Variants in POU2F1 observed in about 807,000 individuals in gnomAD.
The protein encoded by POU2F1 is POU class 2 homeobox 1.
In POU2F1, 16 loss-of-function variants were observed where a neutral mutation model predicts 84.9. The ratio of observed to expected loss-of-function variants is 0.19; its 90% CI spans 0.13 to 0.29. The LOEUF is 0.29. Ranked by LOEUF, POU2F1 falls within the 10% of genes least tolerant of loss-of-function variation. The pLI, the probability that POU2F1 is intolerant of heterozygous loss-of-function variation, is 1.00. For synonymous variants in POU2F1, 368 were observed against 368.3 expected (o/e 1.00, Z 0.01); for missense variants, 738 against 942.6 (o/e 0.78, Z 2.84).
chr1:167,221,827 GGGGGGTGGAC>G (rs999329646), intron 1 of POU2F1, among the ~76,000 whole-genome samples: 3 of 151,914 alleles, frequency 2.0e-5, no homozygotes, highest in African/African-American at 7.2e-5. Context: ...TGCCCCCCCT[GGGGGGTGGAC>G]TGGATTGGAA....
intron 1 of POU2F1, among the ~76,000 whole-genome samples, chr1:167,247,492 G>A (rs1650421710): frequency 6.6e-6 from 1 of 152,078 alleles, no homozygotes; most frequent in Admixed American, 6.6e-5. Context: ...CTCATCCAAA[G>A]CTTCTTTTTG....
chr1:167,409,995 G>T (rs1296080078), intron 13 of POU2F1, among the ~76,000 whole-genome samples: 1 of 152,118 alleles, frequency 6.6e-6, no homozygotes, highest in Non-Finnish European at 1.5e-5. Flanking sequence ...GCGAAAAAGG[G>T]TATATGAATC....
chr1:167,395,213 G>A (rs1196331477), intron 9 of POU2F1, among the ~76,000 whole-genome samples: 1 of 152,166 alleles, frequency 6.6e-6, no homozygotes, highest in African/African-American at 2.4e-5. Context: ...AAGGTTATAG[G>A]CTTATAGAGA....
At chr1:167,339,909 G>A (rs1416638346) in intron 2 of POU2F1, among the ~76,000 whole-genome samples, 1 of 151,968 alleles carries the variant, frequency 6.6e-6, no homozygotes, top group Non-Finnish European at 1.5e-5. Flanking sequence ...GTATTTACTG[G>A]GTGATTTAAA....
At chr1:167,401,382 T>C in intron 12 of POU2F1, 69 bp from the exon 13 acceptor site, 1 of 1,080,600 alleles carries the variant, frequency 9.3e-7, no homozygotes, top group Non-Finnish European at 1.4e-6. Context: ...AAAGAAAGAC[T>C]GTAAAATCAT....
At chr1:167,355,804 T>C (rs1658897495) in intron 2 of POU2F1, among the ~76,000 whole-genome samples, 1 of 152,202 alleles carries the variant, frequency 6.6e-6, no homozygotes, top group African/African-American at 2.4e-5. Context: ...CATGTCTTTG[T>C]TTTTAAATAA....
At chr1:167,334,864 G>A (rs142025253) in intron 2 of POU2F1, among the ~76,000 whole-genome samples, 2 of 152,212 alleles carry the variant, frequency 1.3e-5, no homozygotes, top group African/African-American at 4.8e-5. Context: ...ATGTTTAAGG[G>A]GAAGAACGCT....
intron 1 of POU2F1, among the ~76,000 whole-genome samples, chr1:167,247,176 A>G (rs935519479): frequency 1.3e-5 from 2 of 151,966 alleles, no homozygotes; most frequent in African/African-American, 4.8e-5. Context: ...TCTGGGCTTA[A>G]GTGATGTAAC....
At chr1:167,276,469 A>G (rs759501220) in intron 1 of POU2F1, among the ~76,000 whole-genome samples, 176 of 152,254 alleles carry the variant, frequency 1.2e-3, no homozygotes, top group Admixed American at 3.2e-3. Context: ...TATAGGAAAA[A>G]CATAGTGTTA....
At chr1:167,396,154 C>A in intron 9 of POU2F1, 132 bp from the exon 10 acceptor site, 2 of 1,041,600 alleles carry the variant, frequency 1.9e-6, no homozygotes, top group Non-Finnish European at 2.8e-6. Context: ...ATGTGGGACC[C>A]CGTAAGTGGA....
In POU2F1 at chr1:167,425,471, A is replaced by G. The variant is rs1650899240; in HGVS notation, c.*9661A>G. 1 of 152,280 alleles carries G rather than the reference A, an allele frequency of 6.6e-6. No individual in the cohort carries two copies. The highest frequency in any genetic ancestry group is 2.4e-5 in the African/African-American group (1 of 41,470). 9.4% of individuals were successfully genotyped at this position (152,280 alleles called of 1,614,324 possible). A position where few individuals can be genotyped will look rare whatever the true frequency, so the allele number is the denominator to read the frequency against. ...ACCTTCCAGGGTCCAGCACAGGTGCATGCCCCTAGCTTTGGCCCTCACAAA... is the reference window on the plus strand; with the variant it reads ...ACCTTCCAGGGTCCAGCACAGGTGCGTGCCCCTAGCTTTGGCCCTCACAAA... On this transcript the variant is annotated 3_prime_UTR_variant, in exon 16 of 16. Coordinates refer to ENST00000367866, the MANE Select transcript of POU2F1 (RefSeq NM_002697.4).
chr1:167,273,982 T>C (rs1229630701), intron 1 of POU2F1, among the ~76,000 whole-genome samples: 1 of 152,230 alleles, frequency 6.6e-6, no homozygotes, highest in Non-Finnish European at 1.5e-5. Flanking sequence ...TTAATCTCTA[T>C]GTGAAAAAAC....
intron 2 of POU2F1, among the ~76,000 whole-genome samples, chr1:167,360,046 T>C (rs926373968): frequency 6.6e-6 from 1 of 152,062 alleles, no homozygotes; most frequent in African/African-American, 2.4e-5. Context: ...TTGATTTAAG[T>C]TCCTTATAGA....
chr1:167,246,841 A>G (rs1353938870), intron 1 of POU2F1, among the ~76,000 whole-genome samples: 1 of 152,192 alleles, frequency 6.6e-6, no homozygotes, highest in Non-Finnish European at 1.5e-5. Flanking sequence ...TTATATACCT[A>G]TGTACTTTAT....
intron 1 of POU2F1, among the ~76,000 whole-genome samples, chr1:167,246,486 T>A (rs1004853687): frequency 6.6e-6 from 1 of 152,204 alleles, no homozygotes; most frequent in African/African-American, 2.4e-5. Flanking sequence ...TTAAAAAATA[T>A]TGAATGAAAT....
At chr1:167,390,821 A>T (rs1648344733) in intron 9 of POU2F1, among the ~76,000 whole-genome samples, 1 of 152,188 alleles carries the variant, frequency 6.6e-6, no homozygotes, top group Non-Finnish European at 1.5e-5. Flanking sequence ...AATTAAAAAT[A>T]AAAATAACTT....
chr1:167,292,809 G>C (rs1654017508), intron 1 of POU2F1, among the ~76,000 whole-genome samples: 1 of 152,090 alleles, frequency 6.6e-6, no homozygotes, highest in African/African-American at 2.4e-5. Flanking sequence ...AATCCACCAT[G>C]ATCAAGTAGG....
At chr1:167,270,545 G>C (rs1452775683) in intron 1 of POU2F1, among the ~76,000 whole-genome samples, 1 of 152,148 alleles carries the variant, frequency 6.6e-6, no homozygotes, top group Non-Finnish European at 1.5e-5. Context: ...AGAGAGAAGA[G>C]ACAGAGAGAG....
At chr1:167,323,648 C>T (rs1337571169) in intron 1 of POU2F1, among the ~76,000 whole-genome samples, 1 of 152,104 alleles carries the variant, frequency 6.6e-6, no homozygotes, top group Non-Finnish European at 1.5e-5. Flanking sequence ...TGTTTGTGCT[C>T]CCAATACTGT....
Sources: allele counts gnomAD v4.1 joint callset (sites outside exome capture counted in the v4.1 genomes callset), GRCh38; gene constraint gnomAD v4.1.1; transcripts MANE v1.5; gene names NCBI Gene and HGNC (gene_info 2026-07-23, HGNC 2026-07-21).